The following EXTL3 variants were observed in gnomAD, a reference collection of about 807,000 sequenced individuals.
EXTL3 encodes the protein exostosin like glycosyltransferase 3.
A neutral mutation model predicts 69.3 loss-of-function variants in EXTL3; 27 were observed. The ratio of observed to expected loss-of-function variants is 0.39; its 90% CI spans 0.29 to 0.54. EXTL3 has a LOEUF of 0.54. EXTL3 is among the 20% of genes least tolerant of loss of function. The pLI is 0.69. For missense variants in EXTL3, 1,003 were observed against 1,231.8 expected, an observed-to-expected ratio of 0.81 and a Z score of 2.78; for synonymous variants, 511 against 499.4, an observed-to-expected ratio of 1.02 and a Z score of -0.31.
intron 1 of EXTL3, among the ~76,000 whole-genome samples, chr8:28,693,240 C>G (rs1366629957): frequency 6.6e-6 from 1 of 151,458 alleles, no homozygotes; most frequent in Admixed American, 6.6e-5. Context: ...CCCTCCGCCT[C>G]CCAGGTTCAA....
At chr8:28,693,115 C>T (rs1247993342) in intron 1 of EXTL3, among the ~76,000 whole-genome samples, 1 of 150,394 alleles carries the variant, frequency 6.6e-6, no homozygotes, top group African/African-American at 2.4e-5. Flanking sequence ...CTTAATTGGT[C>T]ATTACAGGTT....
chr8:28,680,043 A>C (rs1807455848), intron 1 of EXTL3, among the ~76,000 whole-genome samples: 1 of 151,926 alleles, frequency 6.6e-6, no homozygotes, highest in Non-Finnish European at 1.5e-5. Context: ...CTAGAATTTA[A>C]TATTTGTGCT....
intron 1 of EXTL3, among the ~76,000 whole-genome samples, chr8:28,669,598 G>A (rs920456910): frequency 3.3e-5 from 5 of 152,192 alleles, no homozygotes; most frequent in African/African-American, 7.2e-5. Context: ...TGTCATTTTT[G>A]TAGTAGCTCA....
intron 2 of EXTL3, among the ~76,000 whole-genome samples, chr8:28,715,317 A>G (rs376314594): frequency 4.6e-5 from 7 of 152,288 alleles, no homozygotes; most frequent in African/African-American, 1.4e-4. Flanking sequence ...CAGGGCTATA[A>G]TGCCGCTCTA....
In EXTL3 at chr8:28,716,198, G is replaced by A. The variant is rs760693109; in HGVS notation, c.139G>A (p.Ala47Thr). The change falls in exon 3 of 7, where the codon GCC (alanine) becomes ACC (threonine). Residue 47 changes from alanine to threonine, a missense_variant. Coordinates refer to ENST00000220562, the MANE Select transcript of EXTL3 (RefSeq NM_001440.4). The surrounding 1 kb of genome is among the most constrained non-coding windows in gnomAD (Gnocchi z 7.1). ...CATCCTGGTCTTCTTCCCGCTCATC[G>A]CCCACTATTACCTCACCACTCTGGA... is the stretch of plus-strand genomic sequence containing the variant. ...FVILVFFPLI[A>T]HYYLTTLDEA... The A allele has an allele frequency of 3.1e-6, 5 of 1,614,118 alleles. No homozygotes were observed. Among genetic ancestry groups the A allele is most frequent in the South Asian group, 1.1e-5 (1 of 91,078 alleles).
intron 1 of EXTL3, among the ~76,000 whole-genome samples, chr8:28,690,724 C>T (rs1036045083): frequency 2.0e-5 from 3 of 152,176 alleles, no homozygotes; most frequent in African/African-American, 4.8e-5. Flanking sequence ...AGTGTTGTCA[C>T]AACATGGCAG....
intron 3 of EXTL3, among the ~76,000 whole-genome samples, chr8:28,730,682 G>C (rs1801516639): frequency 6.6e-6 from 1 of 152,186 alleles, no homozygotes; most frequent in Admixed American, 6.5e-5. Flanking sequence ...GAAGGAAAAA[G>C]TTTGTGTACG....
intron 1 of EXTL3, among the ~76,000 whole-genome samples, chr8:28,689,191 A>G (rs1800571853): frequency 6.6e-6 from 1 of 152,176 alleles, no homozygotes; most frequent in Non-Finnish European, 1.5e-5. Context: ...TCTCCCCCAA[A>G]TCACTCACAT....
chr8:28,724,572 C>T (rs1299017570), intron 3 of EXTL3, among the ~76,000 whole-genome samples: 1 of 149,664 alleles, frequency 6.7e-6, no homozygotes, highest in Admixed American at 6.7e-5. Flanking sequence ...TTGAGACCAG[C>T]CTGGCCAAGA....
In EXTL3 at chr8:28,718,123, C is replaced by T. The variant is rs1801206425; in HGVS notation, c.2064C>T (p.Tyr688=). 1 of 1,614,008 alleles carries T rather than the reference C, an allele frequency of 6.2e-7. No individual in the cohort carries two copies. The highest frequency in any genetic ancestry group is 1.3e-5 in the African/African-American group (1 of 74,892). ...TAGAGAGGCTGAATGGCCTCCCTTACCTGAACAAGGTCGTGGTGGTGTGGA... is the reference window on the plus strand; with the variant it reads ...TAGAGAGGCTGAATGGCCTCCCTTATCTGAACAAGGTCGTGGTGGTGTGGA... ...NSLERLNGLP[Y]LNKVVVVWNS... is the part of the protein sequence containing the mutation. The change falls in exon 3 of 7, where the codon TAC becomes TAT. Residue 688 remains tyrosine, a synonymous_variant. Transcript: ENST00000220562.
chr8:28,655,732 G>A (rs1042003359), intron 1 of EXTL3, among the ~76,000 whole-genome samples: 6 of 152,060 alleles, frequency 3.9e-5, no homozygotes, highest in African/African-American at 9.7e-5. Flanking sequence ...GGGCTCAAGC[G>A]ATCCACCAGC....
chr8:28,705,326 G>A (rs1412636057), intron 1 of EXTL3, among the ~76,000 whole-genome samples: 1 of 152,124 alleles, frequency 6.6e-6, no homozygotes, highest in Non-Finnish European at 1.5e-5. Flanking sequence ...GGGAAGTTAG[G>A]GGACCTGATG....
chr8:28,684,984 C>T (rs1291891495), intron 1 of EXTL3, among the ~76,000 whole-genome samples: 1 of 80,048 alleles, frequency 1.2e-5, no homozygotes, highest in Non-Finnish European at 2.8e-5. Flanking sequence ...TGGAGTCTTG[C>T]TCTGTCCCCC....
chr8:28,709,275 A>AAT (rs1221185618), intron 1 of EXTL3, among the ~76,000 whole-genome samples: 1 of 152,192 alleles, frequency 6.6e-6, no homozygotes, highest in Non-Finnish European at 1.5e-5. Flanking sequence ...TGTGTTGAGG[A>AAT]ATATATGGTA....
At chr8:28,735,274 C>T (rs1375023624) in intron 4 of EXTL3, among the ~76,000 whole-genome samples, 5 of 152,106 alleles carry the variant, frequency 3.3e-5, no homozygotes, top group Admixed American at 1.3e-4. Flanking sequence ...GAAGGACTGG[C>T]GTGGTGAGCA....
chr8:28,646,566 T>G (rs1806834825), intron 1 of EXTL3, among the ~76,000 whole-genome samples: 1 of 152,234 alleles, frequency 6.6e-6, no homozygotes, highest in Non-Finnish European at 1.5e-5. Flanking sequence ...GAATGAGAAA[T>G]GGTCCATCTT....
chr8:28,648,135 T>C (rs984512727), intron 1 of EXTL3, among the ~76,000 whole-genome samples: 6 of 152,218 alleles, frequency 3.9e-5, no homozygotes, highest in Non-Finnish European at 8.8e-5. Context: ...TGATTATTTC[T>C]CTGTTCTTTG....
Position 28,716,626 on chromosome 8 carries a change from T to C in EXTL3, c.567T>C (p.Pro189=), listed in dbSNP as rs767173481. Residue 189 remains proline, a synonymous_variant, in exon 3 of 7, where the codon CCT becomes CCC. Transcript: ENST00000220562. This position sits in a 1 kb window ranked among gnomAD's most constrained non-coding sequence, Gnocchi z 7.1. The part of the protein sequence containing the change: ...LHNCFDYSRC[P]LTSGFPVYVY... Reference sequence around the variant, plus strand: ...ACTGCTTTGATTATTCTCGTTGCCCTCTCACCTCTGGCTTCCCGGTCTACG... The same window carrying C: ...ACTGCTTTGATTATTCTCGTTGCCCCCTCACCTCTGGCTTCCCGGTCTACG... 1.2e-6 allele frequency: 2 copies of C among 1,614,224 alleles called. No individual in the cohort carries two copies. The highest frequency in any genetic ancestry group is 8.5e-7 in the Non-Finnish European group (1 of 1,180,034).
At position 28,753,879 on chromosome 8, in the gene EXTL3, A is replaced by AC. The variant is rs914887474; in HGVS notation, c.*3014dup. Reference sequence around the variant, plus strand: ...GGACCAGAGATGGGTGAACAGACTCACACTCACATGGGCAGCCTTGCCTGT... The same window carrying AC: ...GGACCAGAGATGGGTGAACAGACTCACCACTCACATGGGCAGCCTTGCCTGT... On this transcript the variant is annotated 3_prime_UTR_variant, in exon 7 of 7. Coordinates refer to ENST00000220562, the MANE Select transcript of EXTL3 (RefSeq NM_001440.4). The AC allele has an allele frequency of 6.6e-6, 1 of 152,238 alleles. No homozygotes were observed. Among genetic ancestry groups the AC allele is most frequent in the Non-Finnish European group, 1.5e-5 (1 of 68,088 alleles). 9.4% of individuals were successfully genotyped at this position (152,238 alleles called of 1,614,324 possible).
Sources: allele counts gnomAD v4.1 joint callset (sites outside exome capture counted in the v4.1 genomes callset), GRCh38; gene constraint gnomAD v4.1.1; non-coding constraint Gnocchi (gnomAD v3.1); transcripts MANE v1.5; gene names NCBI Gene and HGNC (gene_info 2026-07-23, HGNC 2026-07-21).